MEGF6: variants seen among roughly 807,000 people sequenced by gnomAD.
The protein encoded by MEGF6 is multiple EGF like domains 6.
In MEGF6, 184 loss-of-function variants were observed where a neutral mutation model predicts 207.1. That is an observed-to-expected ratio of 0.89 (90% CI 0.79 to 1.00). The LOEUF (loss-of-function observed/expected upper bound fraction) is 1.00. Ranked by LOEUF, MEGF6 falls within the 50% of genes least tolerant of loss-of-function variation. MEGF6 has a pLI of 0.00. For synonymous variants in MEGF6, 1,038 were observed against 910.0 expected (o/e 1.14, Z -2.53); for missense variants, 2,282 against 2,202.9 (o/e 1.04, Z -0.72).
chr1:3,580,518 A>T (rs74048642), intron 3 of MEGF6, among the ~76,000 whole-genome samples: 39 of 152,056 alleles, frequency 2.6e-4, no homozygotes, highest in African/African-American at 9.2e-4. Flanking sequence ...GTGAGGGTGG[A>T]GGAGGCCACA....
Position 3,595,419 on chromosome 1 carries a change from C to T in MEGF6, c.295G>A (p.Val99Met), listed in dbSNP as rs1213217190. ...ACGGTCCGGGCCTCCGTGGTATACA[C>T]CTGCCTGTAGCCCATGTAGTAGACG... ...RTVYYMGYRQ[V>M]YTTEARTVLR... The change falls in exon 3 of 37, where the codon GTG becomes ATG. Residue 99 changes from valine (V) to methionine (M), a missense_variant. Val to Met is a conservative substitution (Grantham distance 21). Transcript: ENST00000356575. 1 of 1,612,580 alleles carries T rather than the reference C, an allele frequency of 6.2e-7. No individual in the cohort carries two copies. Among genetic ancestry groups the T allele is most frequent in the African/African-American group, 1.3e-5 (1 of 74,928 alleles).
At position 3,500,750 on chromosome 1, in the gene MEGF6, G is replaced by T. The variant is rs766718967; in HGVS notation, c.2590C>A (p.His864Asn). ...GGGTGGCTGCAGTCAGGTCCCCAGT[G>T]CCCAGTATCACAGGCTGCAACAGAA... ...FSCQRACDTG[H>N]WGPDCSHPCN... The change falls in exon 21 of 37, where the codon CAC becomes AAC. Residue 864 changes from histidine (H) to asparagine (N), a missense_variant. Transcript: ENST00000356575. The T allele has an allele frequency of 1.9e-6, 3 of 1,604,882 alleles. No homozygotes were observed. The highest frequency in any genetic ancestry group is 2.6e-6 in the Non-Finnish European group (3 of 1,176,398).
chr1:3,595,285 A>G, intron 3 of MEGF6, 53 bp downstream of exon 3: 2 of 1,241,426 alleles, frequency 1.6e-6, no homozygotes, highest in Non-Finnish European at 1.2e-6. Context: ...GGCTCTGCTG[A>G]GTCCTCTGGG....
chr1:3,514,521 C>A lies in MEGF6; in HGVS notation c.853+29G>T, dbSNP rs373075953. On this transcript the variant is annotated intron_variant, in intron 7 of 36. Coordinates refer to ENST00000356575, the MANE Select transcript of MEGF6 (RefSeq NM_001409.4). ...CCTGGGTGCGCTTTCTGACCCTGGG[C>A]GGGGCGGAGCAGGGGAGGGGCGTCC... is the stretch of plus-strand genomic sequence containing the variant. The A allele has an allele frequency of 1.2e-5, 19 of 1,569,224 alleles. No homozygotes were observed. In the African/African-American group the frequency reaches 1.7e-4, roughly 14 times the overall value.
intron 21 of MEGF6, 57 bp from the exon 22 acceptor site, chr1:3,499,981 C>A (rs1017865944): frequency 7.3e-6 from 11 of 1,499,020 alleles, no homozygotes; most frequent in Non-Finnish European, 9.8e-6. Flanking sequence ...CTGACCCAGC[C>A]GTGCCCGGGC....
chr1:3,622,846 G>A, the MEGF6 span, among the ~76,000 whole-genome samples: 1 of 152,168 alleles, frequency 6.6e-6, no homozygotes, highest in African/African-American at 2.4e-5. Flanking sequence ...AGAAGCCCCA[G>A]GAAACTCATC....
At chr1:3,515,870 G>C (rs916789890) in intron 5 of MEGF6, among the ~76,000 whole-genome samples, 1 of 152,220 alleles carries the variant, frequency 6.6e-6, no homozygotes, top group Non-Finnish European at 1.5e-5. Context: ...AGCACCAGGG[G>C]TCTCTGAGAA....
chr1:3,512,241 C>G, intron 7 of MEGF6, 113 bp from the exon 8 acceptor site: 1 of 1,394,052 alleles, frequency 7.2e-7, no homozygotes, highest in Non-Finnish European at 9.7e-7. Flanking sequence ...GGCCGCATGA[C>G]ACAGGCATTC....
chr1:3,571,780 TC>T, intron 4 of MEGF6, among the ~76,000 whole-genome samples: 1 of 136,600 alleles, frequency 7.3e-6, no homozygotes, highest in African/African-American at 3.0e-5. Context: ...GTGTGCTGAG[TC>T]CTTTCCAGGT....
At chr1:3,534,743 G>A (rs908388651) in intron 4 of MEGF6, among the ~76,000 whole-genome samples, 2 of 152,138 alleles carry the variant, frequency 1.3e-5, no homozygotes, top group Non-Finnish European at 2.9e-5. Context: ...CTAAGCCATG[G>A]TGGACACAGC....
Position 3,497,239 on chromosome 1 carries a change from C to T in MEGF6, c.3475G>A (p.Glu1159Lys), listed in dbSNP as rs764681187. 7 of 1,492,736 alleles carry T rather than the reference C, an allele frequency of 4.7e-6. No homozygotes were observed. The highest frequency in any genetic ancestry group is 4.9e-5 in the Admixed American group (2 of 41,150). 92.5% of individuals were successfully genotyped at this position (1,492,736 alleles called of 1,614,324 possible). ...CPPGFTGSGC[E>K]QACPPGSFGE... ...GGGGCTTGGGAGCACCTACCCTGCT[C>T]GCAGCCGGAGCCAGTGAAGCCAGGG... The change falls in exon 27 of 37, where the codon GAG becomes AAG. Residue 1159 changes from glutamate (E) to lysine (K), a missense_variant. Physicochemically the swap from Glu to Lys is moderately conservative, Grantham distance 56 (BLOSUM62 1). Coordinates refer to ENST00000356575, the MANE Select transcript of MEGF6 (RefSeq NM_001409.4).
chr1:3,587,878 AGG>A (rs1557799076), intron 3 of MEGF6, among the ~76,000 whole-genome samples: 2 of 131,702 alleles, frequency 1.5e-5, no homozygotes, highest in Non-Finnish European at 3.3e-5. Context: ...AGGAGTGGCC[AGG>A]AGTGGCCAGG....
chr1:3,562,992 T>A (rs974171793), intron 4 of MEGF6, among the ~76,000 whole-genome samples: 1 of 151,840 alleles, frequency 6.6e-6, no homozygotes, highest in Non-Finnish European at 1.5e-5. Flanking sequence ...CAGGCACCTC[T>A]CTGCCCACCG....
rs920402344 is a variant in MEGF6 at position 3,494,732 on chromosome 1, T to G, written c.3881A>C (p.Gln1294Pro). The G allele has an allele frequency of 5.1e-6, 8 of 1,582,812 alleles. No individual in the cohort carries two copies. The highest frequency in any genetic ancestry group is 2.1e-4 in the Middle Eastern group (1 of 4,804). ...CTCGCAGCCCACGCCAAACCGGTTC[T>G]GGGGGCAGCCTGGAGACAGAAGGCA... ...AGVRCERGCP[Q>P]NRFGVGCEHT... The change falls in exon 31 of 37, where the codon CAG becomes CCG. Residue 1294 changes from glutamine (Q) to proline (P), a missense_variant. Gln to Pro is a moderately conservative substitution (Grantham distance 76). Transcript: ENST00000356575.
At chr1:3,497,460 C>A in intron 26 of MEGF6, 99 bp from the exon 27 acceptor site, 1 of 1,346,316 alleles carries the variant, frequency 7.4e-7, no homozygotes, top group Non-Finnish European at 9.9e-7. Flanking sequence ...ACGACCCACC[C>A]AATGCTGGCT....
Position 3,496,781 on chromosome 1 carries a change from A to G in MEGF6, c.3616T>C (p.Cys1206Arg), listed in dbSNP as rs1342786643. Residue 1206 changes from cysteine (C) to arginine (R), a missense_variant and splice_region_variant, in exon 29 of 37, where the codon TGT (cysteine) becomes CGT (arginine). By Grantham distance (180) the Cys-to-Arg change is radical (BLOSUM62 -3). Coordinates refer to ENST00000356575, the MANE Select transcript of MEGF6 (RefSeq NM_001409.4). ...CCTGGCCCATACCGCCCGGGCGGAC[A>G]TCCTGCAGGGAGAGGGGCTAGCTGC... ...GYHGPSCQQR[C>R]PPGRYGPGCE... is the part of the protein sequence containing the mutation. 1.3e-6 allele frequency: 2 copies of G among 1,555,972 alleles called. No homozygotes were observed. The highest frequency in any genetic ancestry group is 8.7e-7 in the Non-Finnish European group (1 of 1,150,140).
chr1:3,525,569 A>G (rs980720897), intron 4 of MEGF6, among the ~76,000 whole-genome samples: 6 of 152,098 alleles, frequency 3.9e-5, no homozygotes, highest in African/African-American at 1.4e-4. Flanking sequence ...TTTTGAGAGG[A>G]CGCCTCCCAT....
intron 3 of MEGF6, among the ~76,000 whole-genome samples, chr1:3,580,209 C>G (rs969519897): frequency 1.4e-5 from 2 of 139,686 alleles, no homozygotes; most frequent in Non-Finnish European, 3.1e-5. Flanking sequence ...AAGGGCATTT[C>G]CTGGGGAAGG....
chr1:3,502,083 G>GCCC (rs147669413), intron 17 of MEGF6, among the ~76,000 whole-genome samples, 162 bp from the exon 18 acceptor site: 1 of 47,028 alleles, frequency 2.1e-5, no homozygotes. Context: ...TGGCGAGTGT[G>GCCC]CCCCCCCGCG....
Sources: gnomAD v4.1 joint callset for allele counts (sites outside exome capture counted in the v4.1 genomes callset) on GRCh38, gnomAD v4.1.1 for gene constraint, MANE v1.5 for transcripts, NCBI Gene and HGNC (gene_info 2026-07-23, HGNC 2026-07-21) for gene names.